SLC24A2: variants seen among roughly 807,000 people sequenced by gnomAD.
SLC24A2 encodes solute carrier family 24 member 2.
Under a neutral mutation model 62.0 loss-of-function variants are expected in SLC24A2, and 36 were observed. The observed-to-expected ratio is 0.58, with a 90% CI of 0.44 to 0.77. SLC24A2 has a LOEUF of 0.77. SLC24A2 is among the 30% of genes least tolerant of loss of function. The pLI is 0.00. For synonymous variants in SLC24A2, 358 were observed against 294.0 expected, an observed-to-expected ratio of 1.22 and a Z score of -2.23; for missense variants, 846 against 817.9, an observed-to-expected ratio of 1.03 and a Z score of -0.42.
chr9:19,974,189 A>G, the SLC24A2 span, among the ~76,000 whole-genome samples: 1 of 152,176 alleles, frequency 6.6e-6, no homozygotes. Context: ...TATAGAATTT[A>G]ATTATATACA....
intron 2 of SLC24A2, among the ~76,000 whole-genome samples, chr9:19,641,802 C>T (rs1057403069): frequency 6.6e-6 from 1 of 152,224 alleles, no homozygotes; most frequent in Non-Finnish European, 1.5e-5. Context: ...TGTTACTCTT[C>T]CAGCTATCTT....
chr9:20,210,627 C>G, the SLC24A2 span, among the ~76,000 whole-genome samples: 1 of 140,008 alleles, frequency 7.1e-6, no homozygotes, highest in African/African-American at 2.7e-5. Flanking sequence ...GCGCCCGCCA[C>G]AACGCCCGGC....
the SLC24A2 span, among the ~76,000 whole-genome samples, chr9:20,221,515 ATAAGT>A: frequency 6.6e-6 from 1 of 152,072 alleles, no homozygotes; most frequent in Non-Finnish European, 1.5e-5. Context: ...GTATGACATA[ATAAGT>A]TAATGGTGAA....
the SLC24A2 span, among the ~76,000 whole-genome samples, chr9:20,202,618 G>C: frequency 8.1e-3 from 1,233 of 152,262 alleles, 12 homozygotes; most frequent in African/African-American, 0.027. Context: ...AGTTGGCTTT[G>C]ATTGGTGGCT....
At chr9:19,859,026 C>A in the SLC24A2 span, among the ~76,000 whole-genome samples, 1 of 152,116 alleles carries the variant, frequency 6.6e-6, no homozygotes, top group Non-Finnish European at 1.5e-5. Context: ...ATAAATCATT[C>A]TACCATAAAG....
chr9:20,046,713 C>T, the SLC24A2 span, among the ~76,000 whole-genome samples: 118 of 152,324 alleles, frequency 7.7e-4, no homozygotes, highest in Non-Finnish European at 1.6e-3. Context: ...AGGAAACCTA[C>T]TCTGTGGTGG....
the SLC24A2 span, among the ~76,000 whole-genome samples, chr9:20,017,136 C>T: frequency 2.0e-5 from 3 of 152,100 alleles, no homozygotes; most frequent in East Asian, 5.8e-4. Flanking sequence ...AATTTGTGTG[C>T]CTCAGCCTCC....
At chr9:20,272,017 T>C in the SLC24A2 span, among the ~76,000 whole-genome samples, 1 of 152,212 alleles carries the variant, frequency 6.6e-6, no homozygotes, top group Non-Finnish European at 1.5e-5. Context: ...TCACAAGAAC[T>C]TGGGGCTACT....
chr9:19,839,027 C>T, the SLC24A2 span, among the ~76,000 whole-genome samples: 1 of 151,980 alleles, frequency 6.6e-6, no homozygotes, highest in Admixed American at 6.6e-5. Context: ...CTAGAATGAA[C>T]TCAAACAAAT....
At chr9:20,110,942 G>A in the SLC24A2 span, among the ~76,000 whole-genome samples, 1 of 152,128 alleles carries the variant, frequency 6.6e-6, no homozygotes, top group Non-Finnish European at 1.5e-5. Flanking sequence ...TTAATTGGCA[G>A]CACTTTTTTT....
the SLC24A2 span, among the ~76,000 whole-genome samples, chr9:19,984,957 AATAAGT>A: frequency 1.3e-5 from 2 of 152,154 alleles, no homozygotes; most frequent in African/African-American, 4.8e-5. Flanking sequence ...TGCTCTAAAA[AATAAGT>A]ATAATTTTAA....
the SLC24A2 span, among the ~76,000 whole-genome samples, chr9:19,837,542 A>AACAC: frequency 4.7e-5 from 7 of 149,442 alleles, no homozygotes; most frequent in East Asian, 1.4e-3. Context: ...ACTCCTATTC[A>AACAC]ACACAGTGTT....
the SLC24A2 span, among the ~76,000 whole-genome samples, chr9:20,110,674 C>G: frequency 6.6e-6 from 1 of 151,976 alleles, no homozygotes; most frequent in Admixed American, 6.6e-5. Flanking sequence ...ATTGTCTTGA[C>G]TCTTATTGAT....
chr9:20,194,329 T>G, the SLC24A2 span, among the ~76,000 whole-genome samples: 1 of 152,046 alleles, frequency 6.6e-6, no homozygotes, highest in African/African-American at 2.4e-5. Flanking sequence ...GCACTATTCT[T>G]TAGAGACTCA....
At chr9:20,251,825 T>G in the SLC24A2 span, among the ~76,000 whole-genome samples, 8 of 152,330 alleles carry the variant, frequency 5.3e-5, no homozygotes, top group African/African-American at 1.9e-4. Flanking sequence ...ATATCAGTTG[T>G]AAGAGTCAGC....
At position 19,703,898 on chromosome 9, in the gene SLC24A2, C is replaced by T. The variant is rs187737108; in HGVS notation, c.931-81599G>A. Among the ~76,000 whole-genome samples the T allele has an allele frequency of 5.3e-5, 8 of 152,254 alleles. No homozygotes were observed. In the East Asian group the frequency reaches 1.5e-3, roughly 29 times the overall value. On this transcript the variant is annotated intron_variant, in intron 2 of 10. Transcript: ENST00000341998. ...ATTATTTCCTTCAAAATATGTATGACTCAGCAAACTATCTACAGGACTTTT... is the reference window on the plus strand; with the variant it reads ...ATTATTTCCTTCAAAATATGTATGATTCAGCAAACTATCTACAGGACTTTT...
the SLC24A2 span, among the ~76,000 whole-genome samples, chr9:19,795,322 G>T: frequency 3.4e-5 from 5 of 148,828 alleles, no homozygotes; most frequent in Admixed American, 6.8e-5. Context: ...GCCTGTTTGG[G>T]GTTCATGCCC....
At chr9:20,121,663 A>G in the SLC24A2 span, among the ~76,000 whole-genome samples, 1 of 152,080 alleles carries the variant, frequency 6.6e-6, no homozygotes, top group Non-Finnish European at 1.5e-5. Context: ...TTTATAACTC[A>G]GTGGTTCTCA....
chr9:19,535,793 T>C (rs1328954977), intron 8 of SLC24A2, among the ~76,000 whole-genome samples: 1 of 152,206 alleles, frequency 6.6e-6, no homozygotes, highest in East Asian at 1.9e-4. Context: ...CCTCCAGCTT[T>C]GTTCTTTGCT....
Sources: gnomAD v4.1 joint callset for allele counts (sites outside exome capture counted in the v4.1 genomes callset) on GRCh38, gnomAD v4.1.1 for gene constraint, MANE v1.5 for transcripts, NCBI Gene and HGNC (gene_info 2026-07-23, HGNC 2026-07-21) for gene names.